Variants in GPHN observed in about 807,000 individuals in gnomAD.
The protein encoded by GPHN is gephyrin.
Under a neutral mutation model 95.5 loss-of-function variants are expected in GPHN, and 17 were observed. That is an observed-to-expected ratio of 0.18 (90% CI 0.12 to 0.27). The LOEUF is 0.27. Ranked by LOEUF, GPHN falls within the 10% of genes least tolerant of loss-of-function variation. The probability of loss-of-function intolerance (pLI) is 1.00; values close to 1 mark genes in which losing one functional copy is unlikely to be tolerated. For synonymous variants in GPHN, 320 were observed against 322.5 expected, an observed-to-expected ratio of 0.99 and a Z score of 0.08; for missense variants, 660 against 978.1, an observed-to-expected ratio of 0.67 and a Z score of 4.34.
intron 2 of GPHN, among the ~76,000 whole-genome samples, chr14:66,733,124 C>T (rs977002290): frequency 6.6e-6 from 1 of 152,052 alleles, no homozygotes; most frequent in African/African-American, 2.4e-5. Context: ...CAGTTTTCCT[C>T]ATGCTATTCA....
chr14:66,810,424 C>T (rs1417637936), intron 3 of GPHN, among the ~76,000 whole-genome samples: 6 of 151,400 alleles, frequency 4.0e-5, no homozygotes, highest in Non-Finnish European at 8.8e-5. Flanking sequence ...TATATATTAT[C>T]CATGTCTAAT....
chr14:67,268,209 C>G, the GPHN span, among the ~76,000 whole-genome samples: 1 of 152,200 alleles, frequency 6.6e-6, no homozygotes, highest in Non-Finnish European at 1.5e-5. Context: ...CCTTCACATT[C>G]TCTCCAGTGC....
At chr14:67,479,577 G>A in the GPHN span, among the ~76,000 whole-genome samples, 11 of 151,886 alleles carry the variant, frequency 7.2e-5, no homozygotes, top group African/African-American at 2.4e-4. Flanking sequence ...AATTAGCCGG[G>A]CATGGTGGCA....
chr14:66,890,165 A>T (rs989784920), intron 5 of GPHN, among the ~76,000 whole-genome samples: 48 of 152,186 alleles, frequency 3.2e-4, no homozygotes, highest in African/African-American at 1.1e-3. Flanking sequence ...TAATCCCAAC[A>T]CTTTGGGAGG....
intron 19 of GPHN, among the ~76,000 whole-genome samples, chr14:67,159,861 C>CA (rs906903087): frequency 6.6e-6 from 1 of 151,992 alleles, no homozygotes; most frequent in Non-Finnish European, 1.5e-5. Context: ...ACCCCCACCC[C>CA]ACCCTGCCTT....
chr14:66,524,068 C>T (rs2139844079), intron 1 of GPHN, among the ~76,000 whole-genome samples: 1 of 152,158 alleles, frequency 6.6e-6, no homozygotes, highest in South Asian at 2.1e-4. Context: ...GGAAGACTGC[C>T]TCTGATAGTC....
At chr14:67,441,914 C>T in the GPHN span, 499 of 153,910 alleles carry the variant, frequency 3.2e-3, 4 homozygotes, top group African/African-American at 8.9e-3. Flanking sequence ...GAGACAGTCC[C>T]ATGATCTGCA....
In GPHN at chr14:66,971,625, G is replaced by A. The variant is rs148136453; in HGVS notation, c.963+6300G>A. Among the ~76,000 whole-genome samples, 111 of 152,162 alleles carry A rather than the reference G, an allele frequency of 7.3e-4. No homozygotes were observed. The East Asian group carries it at 0.018, about 25-fold the overall frequency. The stretch of plus-strand genomic sequence containing the variant: ...TTCACATTTTTTTATAATTGTGGAT[G>A]TTCTTTGATACCATACCAAAAATTT... On this transcript the variant is annotated intron_variant, in intron 9 of 22. Transcript: ENST00000478722.
At chr14:66,567,134 A>C (rs2060493229) in intron 1 of GPHN, among the ~76,000 whole-genome samples, 1 of 152,182 alleles carries the variant, frequency 6.6e-6, no homozygotes, top group South Asian at 2.1e-4. Flanking sequence ...CAGTCCCCAG[A>C]TAAAGGATGA....
chr14:66,735,166 G>A (rs1266111687), intron 2 of GPHN, among the ~76,000 whole-genome samples: 1 of 152,114 alleles, frequency 6.6e-6, no homozygotes, highest in Non-Finnish European at 1.5e-5. Flanking sequence ...ACCCCAGACT[G>A]CCATAGAAAA....
At chr14:66,944,287 G>A (rs1055469462) in intron 8 of GPHN, among the ~76,000 whole-genome samples, 6 of 152,162 alleles carry the variant, frequency 3.9e-5, no homozygotes, top group Non-Finnish European at 7.3e-5. Context: ...TCAATAATTA[G>A]CAAAGGTCAC....
chr14:67,685,425 G>A, the GPHN span, among the ~76,000 whole-genome samples: 1 of 152,136 alleles, frequency 6.6e-6, no homozygotes, highest in Non-Finnish European at 1.5e-5. Context: ...TTTCTGACTG[G>A]AAACTCAAGT....
At chr14:66,671,664 T>A (rs766167594) in intron 1 of GPHN, among the ~76,000 whole-genome samples, 25 of 152,212 alleles carry the variant, frequency 1.6e-4, no homozygotes, top group Non-Finnish European at 3.4e-4. Flanking sequence ...TATTAATTAT[T>A]GATTCAAACT....
At chr14:67,444,966 G>A in the GPHN span, among the ~76,000 whole-genome samples, 1 of 152,222 alleles carries the variant, frequency 6.6e-6, no homozygotes, top group East Asian at 1.9e-4. Flanking sequence ...CCACCATGTT[G>A]GCCAAGTTTC....
intron 9 of GPHN, chr14:66,985,771 T>C: frequency 7.7e-7 from 1 of 1,293,434 alleles, no homozygotes; most frequent in Non-Finnish European, 1.1e-6. Context: ...TTGGCAAGAT[T>C]TCGTCTATAG....
the GPHN span, chr14:67,690,381 CT>C: frequency 6.2e-7 from 1 of 1,614,188 alleles, no homozygotes; most frequent in Non-Finnish European, 8.5e-7. Context: ...GGGCTGATTC[CT>C]TTAGTTTCTC....
At chr14:67,729,667 G>A in the GPHN span, 3 of 592,714 alleles carry the variant, frequency 5.1e-6, no homozygotes, top group East Asian at 3.5e-5. Context: ...TGTTGGTTAT[G>A]CCATGGAGAT....
intron 8 of GPHN, among the ~76,000 whole-genome samples, chr14:66,949,524 T>A (rs527619512): frequency 1.4e-4 from 21 of 152,266 alleles, no homozygotes; most frequent in Non-Finnish European, 2.5e-4. Flanking sequence ...GGGTGCACAT[T>A]TTGGACTTGG....
the GPHN span, among the ~76,000 whole-genome samples, chr14:67,218,792 AG>A: frequency 6.6e-6 from 1 of 151,840 alleles, no homozygotes; most frequent in African/African-American, 2.4e-5. Flanking sequence ...CTCTCATTTG[AG>A]GGTGTGTATG....
Sources: gnomAD v4.1 joint callset for allele counts (sites outside exome capture counted in the v4.1 genomes callset) on GRCh38, gnomAD v4.1.1 for gene constraint, MANE v1.5 for transcripts, NCBI Gene and HGNC (gene_info 2026-07-23, HGNC 2026-07-21) for gene names.